The following EYS variants were observed in gnomAD, a reference collection of about 807,000 sequenced individuals.
EYS encodes the protein EGF-like photoreceptor maintenance factor.
Under a neutral mutation model 282.1 loss-of-function variants are expected in EYS, and 250 were observed. That is an observed-to-expected ratio of 0.89 (90% CI 0.80 to 0.98). The LOEUF (loss-of-function observed/expected upper bound fraction) is 0.98, where lower values mean the gene tolerates loss of function less well. EYS is among the 50% of genes least tolerant of loss of function. EYS has a pLI of 0.00. For synonymous variants in EYS, 1,355 were observed against 1,282.9 expected, an observed-to-expected ratio of 1.06 and a Z score of -1.20; for missense variants, 4,016 against 3,709.0, an observed-to-expected ratio of 1.08 and a Z score of -2.15.
At chr6:64,040,857 T>C (rs1419010837) in intron 33 of EYS, among the ~76,000 whole-genome samples, 1 of 152,222 alleles carries the variant, frequency 6.6e-6, no homozygotes, top group East Asian at 1.9e-4. Context: ...AGCTGAGCTT[T>C]ACAATTGCCT....
At chr6:65,013,503 C>T (rs896464826) in intron 13 of EYS, among the ~76,000 whole-genome samples, 6 of 152,150 alleles carry the variant, frequency 3.9e-5, no homozygotes, top group Admixed American at 3.3e-4. Context: ...GCTAAAGAGT[C>T]ATTATGTAAG....
intron 37 of EYS, among the ~76,000 whole-genome samples, chr6:63,792,056 A>G (rs569798199): frequency 6.6e-6 from 1 of 152,112 alleles, no homozygotes; most frequent in East Asian, 1.9e-4. Flanking sequence ...AATCTGGCTT[A>G]AAGAACCAGG....
intron 33 of EYS, among the ~76,000 whole-genome samples, chr6:64,003,031 A>T (rs749935685): frequency 3.3e-5 from 5 of 152,176 alleles, no homozygotes; most frequent in African/African-American, 7.2e-5. Flanking sequence ...ACCTATATAC[A>T]TAATAGCCAA....
chr6:64,031,453 C>T (rs547681348), intron 33 of EYS, among the ~76,000 whole-genome samples: 4 of 152,332 alleles, frequency 2.6e-5, no homozygotes, highest in South Asian at 2.1e-4. Context: ...TGATCAGGAT[C>T]GCCCCCTGCT....
intron 12 of EYS, among the ~76,000 whole-genome samples, chr6:65,129,813 A>C (rs926519716): frequency 6.6e-6 from 1 of 151,878 alleles, no homozygotes; most frequent in African/African-American, 2.4e-5. Context: ...CTGGATATAC[A>C]CTCAACGGAA....
intron 32 of EYS, among the ~76,000 whole-genome samples, chr6:64,072,347 T>G (rs140405996): frequency 1.3e-5 from 2 of 151,848 alleles, no homozygotes; most frequent in Non-Finnish European, 2.9e-5. Context: ...ACTTTATCTT[T>G]TCTGCGTCTT....
intron 29 of EYS, among the ~76,000 whole-genome samples, chr6:64,310,765 G>C (rs1284618010): frequency 2.1e-5 from 2 of 96,580 alleles, no homozygotes; most frequent in Admixed American, 1.1e-4. Flanking sequence ...ATTTTAAAAG[G>C]TGAAAAAAAA....
chr6:64,183,362 T>C (rs1455850524), intron 31 of EYS, among the ~76,000 whole-genome samples: 2 of 152,160 alleles, frequency 1.3e-5, no homozygotes, highest in Non-Finnish European at 2.9e-5. Context: ...TGTGTGCCCT[T>C]CTCTATCAGC....
intron 2 of EYS, among the ~76,000 whole-genome samples, chr6:65,589,380 T>C (rs1765158566): frequency 6.6e-6 from 1 of 152,084 alleles, no homozygotes; most frequent in South Asian, 2.1e-4. Context: ...AATTATCTTT[T>C]TCTTCTTTAC....
rs1456637829 is a variant in EYS, at chr6:64,092,770, T to G, written c.6425-10768A>C. ...CTCTTTAGTCTAATTAGATCCCATT[T>G]GTCAATTTTGGCTTTTGTTGCCATT... is the stretch of plus-strand genomic sequence containing the variant. On this transcript the variant is annotated intron_variant, in intron 31 of 42. Coordinates refer to ENST00000503581, the MANE Select transcript of EYS (RefSeq NM_001142800.2). Among the ~76,000 whole-genome samples the G allele has an allele frequency of 6.6e-5, 10 of 151,722 alleles. No individual in the cohort carries two copies. The South Asian group carries it at 8.3e-4, about 13-fold the overall frequency.
chr6:64,357,191 A>C (rs1313054373), intron 29 of EYS, among the ~76,000 whole-genome samples: 2 of 151,668 alleles, frequency 1.3e-5, no homozygotes, highest in African/African-American at 2.4e-5. Context: ...AGTGAAGATA[A>C]TATGAATTCA....
chr6:65,214,844 T>G (rs2150254681), intron 12 of EYS, among the ~76,000 whole-genome samples: 1 of 152,244 alleles, frequency 6.6e-6, no homozygotes, highest in Non-Finnish European at 1.5e-5. Flanking sequence ...CTGGGGGCCT[T>G]GAAGAAATAT....
At chr6:64,781,693 T>C (rs1265715800) in intron 22 of EYS, among the ~76,000 whole-genome samples, 1 of 152,212 alleles carries the variant, frequency 6.6e-6, no homozygotes, top group Non-Finnish European at 1.5e-5. Flanking sequence ...TCTGTGTTGG[T>C]TGATGACTGC....
chr6:64,740,365 T>G (rs1051535133), intron 22 of EYS, among the ~76,000 whole-genome samples: 7 of 152,334 alleles, frequency 4.6e-5, no homozygotes, highest in African/African-American at 1.4e-4. Flanking sequence ...GGTTAAATGA[T>G]TATTAGTTTC....
chr6:65,091,261 C>G (rs1351025121), intron 12 of EYS, among the ~76,000 whole-genome samples: 1 of 139,946 alleles, frequency 7.1e-6, no homozygotes, highest in Non-Finnish European at 1.5e-5. Context: ...TGGTGAAACC[C>G]CATCTCCCCT....
chr6:65,146,874 G>A (rs1561990193), intron 12 of EYS, among the ~76,000 whole-genome samples: 1 of 151,866 alleles, frequency 6.6e-6, no homozygotes, highest in African/African-American at 2.4e-5. Context: ...ATTCAAAAAC[G>A]TTGTCAAAGT....
At chr6:64,865,993 C>G (rs1583237825) in intron 19 of EYS, among the ~76,000 whole-genome samples, 1 of 152,090 alleles carries the variant, frequency 6.6e-6, no homozygotes, top group East Asian at 1.9e-4. Flanking sequence ...AAATTAATTA[C>G]AGACAGTTTG....
At chr6:65,160,772 G>T (rs1260820793) in intron 12 of EYS, among the ~76,000 whole-genome samples, 1 of 150,666 alleles carries the variant, frequency 6.6e-6, no homozygotes, top group Non-Finnish European at 1.5e-5. Context: ...CACAAGATTT[G>T]TATATGTAAA....
intron 39 of EYS, among the ~76,000 whole-genome samples, chr6:63,779,894 G>A (rs1023513128): frequency 2.0e-5 from 3 of 151,980 alleles, no homozygotes; most frequent in Admixed American, 1.3e-4. Flanking sequence ...CTATCCCTCC[G>A]CACTCCCCCG....
Sources: gnomAD v4.1 joint callset for allele counts (sites outside exome capture counted in the v4.1 genomes callset) on GRCh38, gnomAD v4.1.1 for gene constraint, MANE v1.5 for transcripts, NCBI Gene and HGNC (gene_info 2026-07-23, HGNC 2026-07-21) for gene names.